LYRM4: variants seen among roughly 807,000 people sequenced by gnomAD.
LYRM4 encodes the protein LYR motif-containing protein 4.
A neutral mutation model predicts 11.7 loss-of-function variants in LYRM4; 9 were observed. That is an observed-to-expected ratio of 0.77 (90% CI 0.46 to 1.34). The LOEUF (loss-of-function observed/expected upper bound fraction) is 1.34, where lower values mean the gene tolerates loss of function less well. LYRM4 is among the 40% of genes most tolerant of loss of function. The pLI is 0.00. For missense variants in LYRM4, 133 were observed against 112.5 expected, an observed-to-expected ratio of 1.18 and a Z score of -0.82; for synonymous variants, 42 against 40.4, an observed-to-expected ratio of 1.04 and a Z score of -0.15.
At chr6:5,237,945 C>T (rs1029159651) in intron 1 of LYRM4, among the ~76,000 whole-genome samples, 4 of 152,124 alleles carry the variant, frequency 2.6e-5, no homozygotes, top group Admixed American at 6.6e-5. Flanking sequence ...GTGGCTGCTT[C>T]GGTATCACAG....
the LYRM4 span, among the ~76,000 whole-genome samples, chr6:5,052,598 C>T: frequency 6.6e-6 from 1 of 152,080 alleles, no homozygotes; most frequent in East Asian, 1.9e-4. Flanking sequence ...ATGTCTGGCC[C>T]AGTGTATAAC....
chr6:5,160,992 C>T (rs2127654066), intron 2 of LYRM4, among the ~76,000 whole-genome samples: 1 of 152,314 alleles, frequency 6.6e-6, no homozygotes, highest in East Asian at 1.9e-4. Flanking sequence ...TTCAGCTTTC[C>T]TTTTCCCACT....
chr6:5,208,076 TA>T (rs1197991087), intron 2 of LYRM4, among the ~76,000 whole-genome samples: 1 of 152,078 alleles, frequency 6.6e-6, no homozygotes, highest in Non-Finnish European at 1.5e-5. Flanking sequence ...TTTCCTCACC[TA>T]AAAAAATGAG....
At chr6:5,053,892 C>T in the LYRM4 span, among the ~76,000 whole-genome samples, 258 of 152,252 alleles carry the variant, frequency 1.7e-3, no homozygotes, top group African/African-American at 6.0e-3. Context: ...AAAGCTAGAA[C>T]TCATTCTGCC....
intron 1 of LYRM4, among the ~76,000 whole-genome samples, chr6:5,238,732 C>T (rs1275932167): frequency 6.6e-6 from 1 of 152,194 alleles, no homozygotes; most frequent in African/African-American, 2.4e-5. Flanking sequence ...GAAACAAATG[C>T]AAATTTTGAC....
At chr6:5,037,643 T>G in the LYRM4 span, among the ~76,000 whole-genome samples, 6 of 24,002 alleles carry the variant, frequency 2.5e-4, no homozygotes, top group Admixed American at 5.7e-4. Context: ...GGGGGGCTGA[T>G]CCCCCCACCT....
At chr6:5,256,627 AGAGT>A (rs1371416737) in intron 1 of LYRM4, among the ~76,000 whole-genome samples, 1 of 150,966 alleles carries the variant, frequency 6.6e-6, no homozygotes, top group Non-Finnish European at 1.5e-5. Context: ...TGCAGAACAG[AGAGT>A]GATGTGACTT....
chr6:5,173,123 T>C (rs1759523604), intron 2 of LYRM4, among the ~76,000 whole-genome samples: 1 of 152,262 alleles, frequency 6.6e-6, no homozygotes, highest in South Asian at 2.1e-4. Context: ...CTTTAACTGC[T>C]AATGACTTCT....
downstream of LYRM4, among the ~76,000 whole-genome samples, chr6:5,099,846 C>A (rs1352520665): frequency 1.3e-5 from 2 of 152,166 alleles, no homozygotes; most frequent in African/African-American, 4.8e-5. The surrounding 1 kb of genome is among the most constrained non-coding windows in gnomAD (Gnocchi z 4.3). Flanking sequence ...GTCAATCTGA[C>A]CCAGATCCAC....
the LYRM4 span, chr6:5,066,422 G>A: frequency 1.3e-6 from 1 of 747,254 alleles, no homozygotes; most frequent in African/African-American, 1.7e-5. Context: ...CTTTTAAAGG[G>A]CTGCCTGCTG....
chr6:5,068,355 C>T, the LYRM4 span, among the ~76,000 whole-genome samples: 1 of 152,184 alleles, frequency 6.6e-6, no homozygotes, highest in Non-Finnish European at 1.5e-5. The surrounding 1 kb of genome is among the most constrained non-coding windows in gnomAD (Gnocchi z 4.0). Flanking sequence ...ATAAAGGCCT[C>T]CTGCCAGCAC....
At chr6:5,043,845 G>A in the LYRM4 span, among the ~76,000 whole-genome samples, 1 of 152,118 alleles carries the variant, frequency 6.6e-6, no homozygotes, top group East Asian at 1.9e-4. Context: ...CAGACAATTA[G>A]GGACAGCCCC....
intron 2 of LYRM4, among the ~76,000 whole-genome samples, chr6:5,191,480 AT>A (rs1760752955): frequency 6.6e-6 from 1 of 152,182 alleles, no homozygotes; most frequent in African/African-American, 2.4e-5. Context: ...GTGAGAGAGT[AT>A]TTTCACTGTC....
the LYRM4 span, among the ~76,000 whole-genome samples, chr6:5,040,588 G>A: frequency 6.6e-6 from 1 of 151,870 alleles, no homozygotes; most frequent in South Asian, 2.1e-4. Flanking sequence ...AATGAGTTGA[G>A]TGACTATAGA....
intron 2 of LYRM4, 125 bp downstream of exon 2, chr6:5,216,493 G>T: frequency 9.2e-7 from 1 of 1,092,744 alleles, no homozygotes. Flanking sequence ...ATTAGTACAA[G>T]GAACAGAGTT....
chr6:5,197,924 A>C (rs1165109783), intron 2 of LYRM4, among the ~76,000 whole-genome samples: 1 of 151,380 alleles, frequency 6.6e-6, no homozygotes, highest in Non-Finnish European at 1.5e-5. Flanking sequence ...GTAATCCAGC[A>C]CTTTGGGAGG....
At chr6:5,147,854 T>C (rs1757815170) in intron 2 of LYRM4, among the ~76,000 whole-genome samples, 1 of 152,192 alleles carries the variant, frequency 6.6e-6, no homozygotes, top group African/African-American at 2.4e-5. Flanking sequence ...ATGGTACTTA[T>C]TAAGCCAAAT....
At chr6:5,242,042 T>C (rs1419812597) in intron 1 of LYRM4, among the ~76,000 whole-genome samples, 3 of 151,852 alleles carry the variant, frequency 2.0e-5, no homozygotes, top group African/African-American at 7.3e-5. Flanking sequence ...ACACACACAT[T>C]GTCTCAGTTA....
At chr6:5,242,498 T>C (rs1365565212) in intron 1 of LYRM4, among the ~76,000 whole-genome samples, 1 of 151,202 alleles carries the variant, frequency 6.6e-6, no homozygotes, top group Admixed American at 6.6e-5. Flanking sequence ...GGCAGGTGAA[T>C]CTCCTGAGGT....
Sources: gnomAD v4.1 joint callset for allele counts (sites outside exome capture counted in the v4.1 genomes callset) on GRCh38, gnomAD v4.1.1 for gene constraint, Gnocchi (gnomAD v3.1) non-coding constraint, MANE v1.5 for transcripts, NCBI Gene and HGNC (gene_info 2026-07-23, HGNC 2026-07-21) for gene names.